Variants in SORCS3 observed in about 807,000 individuals in gnomAD.
The protein encoded by SORCS3 is sortilin related VPS10 domain containing receptor 3, also known as VPS10 domain-containing receptor SorCS3.
Under a neutral mutation model 146.3 loss-of-function variants are expected in SORCS3, and 57 were observed. The observed-to-expected ratio is 0.39, with a 90% CI of 0.31 to 0.49. The LOEUF is 0.49. Ranked by LOEUF, SORCS3 falls within the 20% of genes least tolerant of loss-of-function variation. SORCS3 has a pLI of 0.92. For missense variants in SORCS3, 1,341 were observed against 1,575.5 expected, an observed-to-expected ratio of 0.85 and a Z score of 2.52; for synonymous variants, 653 against 618.5, an observed-to-expected ratio of 1.06 and a Z score of -0.83.
intron 8 of SORCS3, among the ~76,000 whole-genome samples, chr10:105,145,846 G>T (rs527748979): frequency 3.3e-5 from 5 of 152,186 alleles, no homozygotes; most frequent in African/African-American, 9.6e-5. Flanking sequence ...TCAATAAAAA[G>T]ATCCAGAACT....
chr10:104,642,022 G>GGGGGGGGGGGGGCCCCCCCCCCCC, intron 1 of SORCS3, 68 bp downstream of exon 1: 1 of 173,336 alleles, frequency 5.8e-6, no homozygotes, highest in Non-Finnish European at 1.1e-5. Context: ...GGGTGGGTGG[G>GGGGGGGGGGGGGCCCCCCCCCCCC]AGCGAGGGAC....
At chr10:104,765,663 C>T (rs577586598) in intron 1 of SORCS3, among the ~76,000 whole-genome samples, 14 of 152,270 alleles carry the variant, frequency 9.2e-5, no homozygotes, top group East Asian at 3.9e-4. Flanking sequence ...TCCTACATGC[C>T]GTTGGATGGG....
At position 105,197,552 on chromosome 10, in the gene SORCS3, G is replaced by A. The variant is rs1016574908; in HGVS notation, c.2010-2447G>A. ...GAAAAAAACAGGTTATTGCCTCTTT[G>A]GTTCTAGACAATACATATAATTCTG... is the stretch of plus-strand genomic sequence containing the variant. On this transcript the variant is annotated intron_variant, in intron 14 of 26. Transcript: ENST00000369701. Among the ~76,000 whole-genome samples the A allele has an allele frequency of 5.3e-5, 8 of 151,994 alleles. No individual in the cohort carries two copies. The South Asian group carries it at 1.5e-3, about 28-fold the overall frequency.
chr10:104,747,497 C>T (rs770564270), intron 1 of SORCS3, among the ~76,000 whole-genome samples: 1 of 152,244 alleles, frequency 6.6e-6, no homozygotes, highest in Admixed American at 6.5e-5. Flanking sequence ...ACTGATACTT[C>T]CAATACGCTG....
intron 2 of SORCS3, among the ~76,000 whole-genome samples, chr10:104,886,098 A>G (rs1038534384): frequency 1.3e-5 from 2 of 152,196 alleles, no homozygotes; most frequent in East Asian, 1.9e-4. Flanking sequence ...CAGGAGGATT[A>G]GAATTTCTCT....
At chr10:105,140,856 A>G (rs190712876) in intron 8 of SORCS3, among the ~76,000 whole-genome samples, 345 of 152,256 alleles carry the variant, frequency 2.3e-3, no homozygotes, top group Non-Finnish European at 3.8e-3. Flanking sequence ...TTATGGGACC[A>G]TTGTATAGTA....
intron 1 of SORCS3, among the ~76,000 whole-genome samples, chr10:104,686,287 T>A (rs1471395800): frequency 6.6e-6 from 1 of 150,642 alleles, no homozygotes; most frequent in Non-Finnish European, 1.5e-5. Flanking sequence ...TTTGGGAGGG[T>A]GGTAATTTTT....
intron 1 of SORCS3, among the ~76,000 whole-genome samples, chr10:104,826,290 C>G (rs1325364042): frequency 6.6e-6 from 1 of 152,144 alleles, no homozygotes; most frequent in Non-Finnish European, 1.5e-5. Context: ...TTGTTCCTCT[C>G]TTGTATAAAC....
intron 25 of SORCS3, among the ~76,000 whole-genome samples, chr10:105,261,335 T>C (rs957308687): frequency 3.9e-5 from 6 of 152,300 alleles, no homozygotes; most frequent in East Asian, 3.9e-4. Flanking sequence ...GAGGGAACAG[T>C]TGGTTCTAAG....
intron 6 of SORCS3, among the ~76,000 whole-genome samples, chr10:105,102,621 C>T (rs907996702): frequency 6.6e-6 from 1 of 151,906 alleles, no homozygotes; most frequent in Non-Finnish European, 1.5e-5. Flanking sequence ...ACACCAAATC[C>T]CCACAACATG....
chr10:105,207,690 A>C (rs2056611284), intron 16 of SORCS3, among the ~76,000 whole-genome samples: 1 of 152,214 alleles, frequency 6.6e-6, no homozygotes, highest in Admixed American at 6.5e-5. Context: ...TTAATGAAGA[A>C]GTCCACAGCT....
At chr10:104,916,606 C>A (rs1355075645) in intron 3 of SORCS3, among the ~76,000 whole-genome samples, 3 of 152,130 alleles carry the variant, frequency 2.0e-5, no homozygotes, top group Non-Finnish European at 4.4e-5. Flanking sequence ...GAACAATGGG[C>A]AGTTTTAGAA....
chr10:105,102,653 C>T (rs1163687638), intron 6 of SORCS3, among the ~76,000 whole-genome samples: 10 of 152,028 alleles, frequency 6.6e-5, no homozygotes, highest in Admixed American at 6.6e-4. Flanking sequence ...TGCACATGTG[C>T]ATCCTGGATC....
At chr10:104,991,544 C>T (rs1318928605) in intron 4 of SORCS3, among the ~76,000 whole-genome samples, 2 of 150,834 alleles carry the variant, frequency 1.3e-5, no homozygotes, top group Non-Finnish European at 2.9e-5. Context: ...CTCTGTTGCC[C>T]AGGCTGGAGT....
At chr10:105,219,735 CAAA>C (rs962089992) in intron 19 of SORCS3, among the ~76,000 whole-genome samples, 6 of 152,152 alleles carry the variant, frequency 3.9e-5, no homozygotes, top group African/African-American at 1.4e-4. Flanking sequence ...AAAATGAAGA[CAAA>C]GAAGGAAAAT....
intron 12 of SORCS3, among the ~76,000 whole-genome samples, chr10:105,166,254 T>C (rs1299606295): frequency 6.6e-6 from 1 of 152,154 alleles, no homozygotes; most frequent in African/African-American, 2.4e-5. Flanking sequence ...ACCCCTTAAA[T>C]CTGACTGTAT....
intron 6 of SORCS3, among the ~76,000 whole-genome samples, chr10:105,095,224 T>G (rs2055737418): frequency 6.6e-6 from 1 of 152,160 alleles, no homozygotes; most frequent in Non-Finnish European, 1.5e-5. Flanking sequence ...CAGCTTTTGC[T>G]CTGTTTCCCT....
intron 1 of SORCS3, among the ~76,000 whole-genome samples, chr10:104,707,086 C>A (rs1467944004): frequency 6.6e-6 from 1 of 152,070 alleles, no homozygotes. Context: ...TCAGGCTTAT[C>A]CACAAGAAGG....
intron 1 of SORCS3, among the ~76,000 whole-genome samples, chr10:104,770,904 C>T (rs1243774142): frequency 1.3e-5 from 2 of 152,108 alleles, no homozygotes; most frequent in Non-Finnish European, 2.9e-5. Context: ...CTGGTATATC[C>T]AAAATACTAT....
Sources: allele counts gnomAD v4.1 joint callset (sites outside exome capture counted in the v4.1 genomes callset), GRCh38; gene constraint gnomAD v4.1.1; transcripts MANE v1.5; gene names NCBI Gene and HGNC (gene_info 2026-07-23, HGNC 2026-07-21).